LRPPRC: variants seen among roughly 807,000 people sequenced by gnomAD.
LRPPRC encodes the protein leucine rich pentatricopeptide repeat containing, also known as leucine-rich PPR motif-containing protein, mitochondrial.
LRPPRC carries 120 observed loss-of-function variants against 180.3 expected under a neutral mutation model. That is an observed-to-expected ratio of 0.67 (90% CI 0.57 to 0.77). The LOEUF (loss-of-function observed/expected upper bound fraction) is 0.77, where lower values mean the gene tolerates loss of function less well. LRPPRC is among the 30% of genes least tolerant of loss of function. The probability of loss-of-function intolerance (pLI) is 0.00; values close to 1 mark genes in which losing one functional copy is unlikely to be tolerated. For missense variants in LRPPRC, 2,012 were observed against 1,657.2 expected (o/e 1.21, Z -3.72); for synonymous variants, 723 against 600.0 (o/e 1.21, Z -3.00).
chr2:43,950,554 C>A lies in LRPPRC; in HGVS notation c.1677+19G>T. On this transcript the variant is annotated intron_variant, in intron 15 of 37. Transcript: ENST00000260665. ...AACGTTAAAAGCACCTTATGATTTG[C>A]AATATTAGAGGGACTTACCTCGCTC... The A allele has an allele frequency of 1.2e-6, 2 of 1,605,488 alleles. No homozygotes were observed. The highest frequency in any genetic ancestry group is 1.7e-6 in the Non-Finnish European group (2 of 1,172,282).
At position 43,905,673 on chromosome 2, in the gene LRPPRC, G is replaced by C; in HGVS notation, c.3364+19C>G. On this transcript the variant is annotated intron_variant, in intron 31 of 37. Coordinates refer to ENST00000260665, the MANE Select transcript of LRPPRC (RefSeq NM_133259.4). ...GCAGAGGCATTAATGTGACGTAAAG[G>C]TCAAGCATTGTGACATACCTTTCAA... The C allele has an allele frequency of 6.4e-7, 1 of 1,570,070 alleles. No homozygotes were observed. Among genetic ancestry groups the C allele is most frequent in the Non-Finnish European group, 8.8e-7 (1 of 1,139,788 alleles).
At chr2:43,907,765 G>A (rs1036369494) in intron 30 of LRPPRC, among the ~76,000 whole-genome samples, 68 of 152,016 alleles carry the variant, frequency 4.5e-4, no homozygotes, top group Admixed American at 4.4e-3. Flanking sequence ...ACGACCAACT[G>A]CAAAAATTAA....
chr2:43,890,164 G>C, intron 36 of LRPPRC: 1 of 443,614 alleles, frequency 2.3e-6, no homozygotes. Context: ...CATTATTTAA[G>C]ACCTATGATA....
chr2:43,979,782 A>T (rs748781023), intron 3 of LRPPRC, 44 bp downstream of exon 3: 5 of 1,592,540 alleles, frequency 3.1e-6, no homozygotes, highest in Non-Finnish European at 2.6e-6. Context: ...AAAAGAAAAA[A>T]CATCTACACC....
rs1158307742 is a variant in LRPPRC, at chr2:43,886,296, TTATA to T, written c.*2300_*2303del. 3.3e-5 allele frequency among the ~76,000 whole-genome samples: 5 copies of T among 152,168 alleles called. No homozygotes were observed. Among genetic ancestry groups the T allele is most frequent in the Admixed American group, 3.3e-4 (5 of 15,276 alleles). ...TGGGTTCAAATACATGAACATATAA[TTATA>T]TATAAAATACTATAGTTCTCAATAG... On this transcript the variant is annotated 3_prime_UTR_variant, in exon 38 of 38. Transcript: ENST00000260665.
intron 29 of LRPPRC, 74 bp downstream of exon 29, chr2:43,917,951 G>C: frequency 2.0e-6 from 2 of 999,910 alleles, no homozygotes; most frequent in Non-Finnish European, 3.1e-6. Context: ...CTAATTGGTT[G>C]GGCTTACACC....
rs141088651 is a variant in LRPPRC, at chr2:43,946,576, A to T, written c.2080-333T>A. Among the ~76,000 whole-genome samples, 439 of 152,202 alleles carry T rather than the reference A, an allele frequency of 2.9e-3. 3 individuals are homozygous for T. Among genetic ancestry groups the T allele is most frequent in the African/African-American group, 1.0e-2 (415 of 41,562 alleles). Reference sequence around the variant, plus strand: ...CCAAATCAAATCCTAATCACAGTCTAATTTCAGGATGCAGAAATATGTATC... The same window carrying T: ...CCAAATCAAATCCTAATCACAGTCTTATTTCAGGATGCAGAAATATGTATC... On this transcript the variant is annotated intron_variant, in intron 20 of 37. Transcript: ENST00000260665.
intron 6 of LRPPRC, 107 bp from the exon 7 acceptor site, chr2:43,975,324 G>C: frequency 1.1e-6 from 1 of 890,368 alleles, no homozygotes; most frequent in South Asian, 1.4e-5. Flanking sequence ...AGTACCATTT[G>C]GAATTATGAT....
At chr2:43,995,536 G>A (rs1040243365) in intron 1 of LRPPRC, among the ~76,000 whole-genome samples, 4 of 152,222 alleles carry the variant, frequency 2.6e-5, no homozygotes, top group Admixed American at 2.0e-4. Flanking sequence ...GGTACCCCGA[G>A]GGCAGTAAGG....
chr2:43,927,363 CAG>C (rs1307784989), intron 25 of LRPPRC, among the ~76,000 whole-genome samples: 3 of 152,164 alleles, frequency 2.0e-5, no homozygotes, highest in Non-Finnish European at 4.4e-5. Flanking sequence ...GGTGGGATGA[CAG>C]AAAAATTGGT....
In LRPPRC at chr2:43,953,664, T is replaced by C. The variant is rs574859629; in HGVS notation, c.1650-3064A>G. 7.9e-4 allele frequency among the ~76,000 whole-genome samples: 120 copies of C among 152,316 alleles called. No individual in the cohort carries two copies. In the Middle Eastern group the frequency reaches 0.01, roughly 13 times the overall value. ...TAAGTCAGGGGAGACGCAGAGCACC[T>C]AGCTTGGTGTGGTTTAAAGATAAGG... On this transcript the variant is annotated intron_variant, in intron 14 of 37. Coordinates refer to ENST00000260665, the MANE Select transcript of LRPPRC (RefSeq NM_133259.4).
intron 1 of LRPPRC, among the ~76,000 whole-genome samples, chr2:43,983,650 C>T (rs908497565): frequency 6.6e-6 from 1 of 152,082 alleles, no homozygotes; most frequent in Admixed American, 6.5e-5. Flanking sequence ...TATATAACAA[C>T]TAAGTATAAT....
chr2:43,925,088 A>C lies in LRPPRC; in HGVS notation c.2875T>G (p.Tyr959Asp). The stretch of plus-strand genomic sequence containing the variant: ...TTACTATACAGTTTTAGCAGATTGT[A>C]GTACATCTGGTCTCTATCACATTCA... ...LFECDRDQMY[Y>D]NLLKLYKING... is the part of the protein sequence containing the mutation. Residue 959 changes from tyrosine (Y) to aspartate (D), a missense_variant, in exon 27 of 38, where the codon TAC becomes GAC. Transcript: ENST00000260665. 6.3e-7 allele frequency: 1 copy of C among 1,576,842 alleles called. No homozygotes were observed. Among genetic ancestry groups the C allele is most frequent in the Non-Finnish European group, 8.7e-7 (1 of 1,146,088 alleles).
At chr2:43,959,535 T>C (rs956282334) in intron 13 of LRPPRC, among the ~76,000 whole-genome samples, 3 of 152,178 alleles carry the variant, frequency 2.0e-5, no homozygotes, top group African/African-American at 7.2e-5. Flanking sequence ...TTTCAGAAGA[T>C]CTGAAAAACT....
At chr2:43,981,160 AG>A (rs1674291314) in intron 2 of LRPPRC, among the ~76,000 whole-genome samples, 1 of 151,998 alleles carries the variant, frequency 6.6e-6, no homozygotes, top group African/African-American at 2.4e-5. Context: ...AGCTTGCATC[AG>A]GCATTAGTGA....
chr2:43,924,609 A>G (rs184170151), intron 27 of LRPPRC, among the ~76,000 whole-genome samples: 18 of 152,326 alleles, frequency 1.2e-4, no homozygotes, highest in East Asian at 7.7e-4. Flanking sequence ...ACTCAAAAAT[A>G]TATAATGACA....
At chr2:43,890,167 C>G (rs1012052401) in intron 36 of LRPPRC, 3 of 439,698 alleles carry the variant, frequency 6.8e-6, no homozygotes, top group African/African-American at 4.0e-5. Flanking sequence ...TATTTAAGAC[C>G]TATGATAGTT....
rs1572883149 is a variant in LRPPRC at position 43,889,800 on chromosome 2, C to G, written c.4062G>C (p.Leu1354=). 4 of 1,611,010 alleles carry G rather than the reference C, an allele frequency of 2.5e-6. No individual in the cohort carries two copies. Among genetic ancestry groups the G allele is most frequent in the Non-Finnish European group, 3.4e-6 (4 of 1,177,084 alleles). ...LTAKNTKLDD[L]FLKRYASLLK... is the part of the protein sequence containing the mutation. Reference sequence around the variant, plus strand: ...GCAAAGATGCGTAACGCTTTAGAAACAGATCATCCAATTTTGTATTCTTTG... The same window carrying G: ...GCAAAGATGCGTAACGCTTTAGAAAGAGATCATCCAATTTTGTATTCTTTG... The change falls in exon 37 of 38, where the codon CTG becomes CTC. Residue 1354 remains leucine (L), a synonymous_variant. Transcript: ENST00000260665.
chr2:43,958,110 T>C (rs1347454093), intron 13 of LRPPRC, among the ~76,000 whole-genome samples: 1 of 152,218 alleles, frequency 6.6e-6, no homozygotes, highest in Non-Finnish European at 1.5e-5. Context: ...TAAGCCTGAT[T>C]TGCCATTGTG....
Sources: allele counts gnomAD v4.1 joint callset (sites outside exome capture counted in the v4.1 genomes callset), GRCh38; gene constraint gnomAD v4.1.1; transcripts MANE v1.5; gene names NCBI Gene and HGNC (gene_info 2026-07-23, HGNC 2026-07-21).